Variants in GARIN1A observed in about 807,000 individuals in gnomAD.
The protein encoded by GARIN1A is golgi associated RAB2 interactor 1A, also known as Golgi-associated RAB2 interactor protein 1A.
the GARIN1A span, chr7:128,685,126 C>G: frequency 6.6e-6 from 1 of 152,212 alleles, no homozygotes; most frequent in Non-Finnish European, 1.5e-5. Flanking sequence ...GTTTTGATCT[C>G]CTGACCTCAG....
chr7:128,679,902 G>A, the GARIN1A span: 2 of 523,152 alleles, frequency 3.8e-6, no homozygotes, highest in Non-Finnish European at 6.6e-6. Flanking sequence ...AATGCTGAAG[G>A]AACAGGTTCC....
the GARIN1A span, chr7:128,677,832 G>T: frequency 6.2e-7 from 1 of 1,605,674 alleles, no homozygotes. Flanking sequence ...GCCTCCTTCC[G>T]GGACCTGTCG....
chr7:128,705,770 T>A, the GARIN1A span, among the ~76,000 whole-genome samples: 1 of 146,272 alleles, frequency 6.8e-6, no homozygotes, highest in East Asian at 2.1e-4. Context: ...GCTCAGGTGA[T>A]CCTCCCACCT....
the GARIN1A span, among the ~76,000 whole-genome samples, chr7:128,702,952 G>A: frequency 6.6e-6 from 1 of 152,276 alleles, no homozygotes; most frequent in South Asian, 2.1e-4. Context: ...GCCATAAGGA[G>A]GGCATTATAT....
At chr7:128,687,862 GT>G in the GARIN1A span, 1 of 152,146 alleles carries the variant, frequency 6.6e-6, no homozygotes, top group Non-Finnish European at 1.5e-5. Flanking sequence ...AAACTATTCT[GT>G]TTTGGTTCAT....
chr7:128,694,425 C>T, the GARIN1A span, among the ~76,000 whole-genome samples: 1 of 151,544 alleles, frequency 6.6e-6, no homozygotes, highest in African/African-American at 2.4e-5. Context: ...CCCAACTACT[C>T]GGGAGGCTGA....
the GARIN1A span, among the ~76,000 whole-genome samples, chr7:128,707,271 CT>C: frequency 6.7e-6 from 1 of 148,354 alleles, no homozygotes; most frequent in African/African-American, 2.5e-5. Flanking sequence ...AATATAAGAT[CT>C]ACCCTCTTGG....
chr7:128,675,325 C>T, the GARIN1A span, among the ~76,000 whole-genome samples: 2 of 152,194 alleles, frequency 1.3e-5, no homozygotes. Flanking sequence ...ACACAATCTC[C>T]CTTTTGGGCC....
At chr7:128,679,553 C>T in the GARIN1A span, among the ~76,000 whole-genome samples, 1 of 152,140 alleles carries the variant, frequency 6.6e-6, no homozygotes, top group Admixed American at 6.6e-5. Flanking sequence ...AATATTTCCT[C>T]AAGTATTTGC....
chr7:128,703,964 G>A, the GARIN1A span, among the ~76,000 whole-genome samples: 1 of 152,078 alleles, frequency 6.6e-6, no homozygotes, highest in African/African-American at 2.4e-5. Context: ...CACAAAGAGT[G>A]AGTTTCACTG....
the GARIN1A span, among the ~76,000 whole-genome samples, chr7:128,692,682 A>G: frequency 6.6e-6 from 1 of 152,222 alleles, no homozygotes; most frequent in Non-Finnish European, 1.5e-5. Context: ...TGGAAATTAT[A>G]TGGAAGCTTC....
At chr7:128,685,205 C>T in the GARIN1A span, 5 of 152,248 alleles carry the variant, frequency 3.3e-5, no homozygotes, top group African/African-American at 1.2e-4. Context: ...CCAGCCCCAC[C>T]ACGCCCACTC....
At chr7:128,686,477 AGTCT>A in the GARIN1A span, 1 of 152,232 alleles carries the variant, frequency 6.6e-6, no homozygotes, top group South Asian at 2.1e-4. Flanking sequence ...ACTTGAAGCC[AGTCT>A]GTCTAACTCC....
chr7:128,705,315 T>A, the GARIN1A span, among the ~76,000 whole-genome samples: 1 of 152,184 alleles, frequency 6.6e-6, no homozygotes, highest in African/African-American at 2.4e-5. Flanking sequence ...TCAACTGTCT[T>A]AGACGGCACA....
the GARIN1A span, among the ~76,000 whole-genome samples, chr7:128,707,490 G>A: frequency 6.6e-6 from 1 of 151,966 alleles, no homozygotes; most frequent in Non-Finnish European, 1.5e-5. Flanking sequence ...TTTGAGAAAG[G>A]GTCTTTCTCT....
chr7:128,677,172 T>A, the GARIN1A span, among the ~76,000 whole-genome samples: 149,997 of 151,796 alleles, frequency 0.99, 74,124 homozygotes, highest in Middle Eastern at 1. Flanking sequence ...GAGGCCAGTG[T>A]CGCTGAGCCA....
chr7:128,699,502 A>C, the GARIN1A span, among the ~76,000 whole-genome samples: 1 of 152,164 alleles, frequency 6.6e-6, no homozygotes, highest in Non-Finnish European at 1.5e-5. Context: ...TTGATGTCTG[A>C]ATCTCACTGA....
chr7:128,677,947 A>G, the GARIN1A span: 7 of 704,706 alleles, frequency 9.9e-6, no homozygotes, highest in African/African-American at 5.5e-5. Flanking sequence ...GATAATTTCT[A>G]TTCAGTAGTA....
chr7:128,708,882 T>C, the GARIN1A span, among the ~76,000 whole-genome samples: 2 of 152,198 alleles, frequency 1.3e-5, no homozygotes, highest in African/African-American at 4.8e-5. Context: ...CCTTAAATAA[T>C]AAATAATTCT....
Sources: allele counts gnomAD v4.1 joint callset (sites outside exome capture counted in the v4.1 genomes callset), GRCh38; gene constraint gnomAD v4.1.1; transcripts MANE v1.5; gene names NCBI Gene and HGNC (gene_info 2026-07-23, HGNC 2026-07-21).